Variants in ENOX1 observed in about 807,000 individuals in gnomAD.
ENOX1 encodes candidate growth-related and time keeping constitutive hydroquinone (NADH) oxidase.
A neutral mutation model predicts 82.5 loss-of-function variants in ENOX1; 42 were observed. That is an observed-to-expected ratio of 0.51 (90% CI 0.40 to 0.66). The LOEUF (loss-of-function observed/expected upper bound fraction) is 0.66. Ranked by LOEUF, ENOX1 falls within the 30% of genes least tolerant of loss-of-function variation. The pLI is 0.00. For missense variants in ENOX1, 608 were observed against 811.6 expected (o/e 0.75, Z 3.05); for synonymous variants, 271 against 282.2 (o/e 0.96, Z 0.40).
In ENOX1 at chr13:43,494,571, A is replaced by G. The variant is rs138039477; in HGVS notation, c.-218-10419T>C. On this transcript the variant is annotated intron_variant, in intron 2 of 16. Coordinates refer to ENST00000690772, the MANE Select transcript of ENOX1 (RefSeq NM_001347969.2). ...TACCTTTAATATTGTAAGAAGGCAC[A>G]TATATTCATTCTTTCACAATAATAA... is the stretch of plus-strand genomic sequence containing the variant. Among the ~76,000 whole-genome samples the G allele has an allele frequency of 4.7e-3, 710 of 152,324 alleles. 5 individuals are homozygous for G. The highest frequency in any genetic ancestry group is 0.016 in the African/African-American group (650 of 41,582).
rs181465243 is a variant in ENOX1, at chr13:43,608,513, G to C, written c.-219+58966C>G. Among the ~76,000 whole-genome samples the C allele has an allele frequency of 2.8e-3, 428 of 152,186 alleles. 3 individuals are homozygous for C. Among genetic ancestry groups the C allele is most frequent in the African/African-American group, 0.01 (417 of 41,542 alleles). On this transcript the variant is annotated intron_variant, in intron 2 of 16. Transcript: ENST00000690772. ...TACAACTTCTTCTTGATGACTGAGG[G>C]ACATCATTCCAAGCCAGCTGATGTT...
At chr13:43,698,091 GAGA>G (rs1454945419) in intron 1 of ENOX1, among the ~76,000 whole-genome samples, 1 of 152,194 alleles carries the variant, frequency 6.6e-6, no homozygotes, top group Non-Finnish European at 1.5e-5. Flanking sequence ...TGAAGCAGGA[GAGA>G]AGGAGATCAG....
intron 2 of ENOX1, among the ~76,000 whole-genome samples, chr13:43,525,810 A>AT: frequency 6.6e-6 from 1 of 152,056 alleles, no homozygotes; most frequent in East Asian, 1.9e-4. Flanking sequence ...TCCTTTGCCC[A>AT]TTTTTTAATC....
chr13:43,490,679 T>C (rs1474289392), intron 2 of ENOX1, among the ~76,000 whole-genome samples: 3 of 152,210 alleles, frequency 2.0e-5, no homozygotes, highest in Non-Finnish European at 2.9e-5. Context: ...GGCAAAGGGT[T>C]CCTCCCCTCC....
chr13:43,247,859 ATATATATATATATATATATATATATTTTT>A (rs2043193266), intron 14 of ENOX1, among the ~76,000 whole-genome samples: 1 of 1,764 alleles, frequency 5.7e-4, no homozygotes, highest in Non-Finnish European at 1.2e-3. Flanking sequence ...ATATATATAT[ATATATATATATATATATATATATATTTTT>A]TTTTTTTTTT....
chr13:43,305,543 G>A (rs1195025259), intron 11 of ENOX1, among the ~76,000 whole-genome samples: 2 of 148,052 alleles, frequency 1.4e-5, no homozygotes, highest in African/African-American at 4.9e-5. Context: ...GAGGCACAAT[G>A]GGCAGCAGGT....
At chr13:43,510,126 A>C (rs1341454419) in intron 2 of ENOX1, among the ~76,000 whole-genome samples, 1 of 152,078 alleles carries the variant, frequency 6.6e-6, no homozygotes, top group Non-Finnish European at 1.5e-5. Context: ...CAAAAAGAAT[A>C]ATCTATAAAT....
At chr13:43,701,391 C>T (rs865857044) in intron 1 of ENOX1, among the ~76,000 whole-genome samples, 6 of 152,094 alleles carry the variant, frequency 3.9e-5, no homozygotes, top group Non-Finnish European at 5.9e-5. Context: ...TGGGTGCACA[C>T]GGTTACAAAC....
chr13:43,310,153 C>T (rs1377672946), intron 11 of ENOX1, among the ~76,000 whole-genome samples: 4 of 124,026 alleles, frequency 3.2e-5, no homozygotes, highest in African/African-American at 6.2e-5. Flanking sequence ...GAGCCGAGAT[C>T]ACGCCATTGC....
intron 15 of ENOX1, among the ~76,000 whole-genome samples, chr13:43,230,405 A>T (rs1001098207): frequency 6.6e-6 from 1 of 152,150 alleles, no homozygotes; most frequent in African/African-American, 2.4e-5. Context: ...GTTGCTGGAA[A>T]GGGGTCATGG....
chr13:43,456,509 C>G (rs890789900), intron 3 of ENOX1, among the ~76,000 whole-genome samples: 1 of 152,156 alleles, frequency 6.6e-6, no homozygotes, highest in East Asian at 1.9e-4. Flanking sequence ...AACAGGGACT[C>G]TGCCAATCAG....
chr13:43,389,933 G>C (rs1442907407), intron 5 of ENOX1, among the ~76,000 whole-genome samples: 1 of 152,154 alleles, frequency 6.6e-6, no homozygotes, highest in Non-Finnish European at 1.5e-5. Flanking sequence ...AGGGGGAGAA[G>C]GGGAGAACAA....
chr13:43,497,589 T>C (rs1336610351), intron 2 of ENOX1, among the ~76,000 whole-genome samples: 1 of 152,170 alleles, frequency 6.6e-6, no homozygotes, highest in Non-Finnish European at 1.5e-5. Context: ...GATATATTAC[T>C]GTATGTTAAT....
intron 3 of ENOX1, among the ~76,000 whole-genome samples, chr13:43,463,792 A>C (rs1177869073): frequency 6.6e-6 from 1 of 152,204 alleles, no homozygotes; most frequent in East Asian, 1.9e-4. Flanking sequence ...AAAACGTTGA[A>C]TTTGTATTTT....
chr13:43,536,034 T>C (rs2078446046), intron 2 of ENOX1, among the ~76,000 whole-genome samples: 1 of 152,040 alleles, frequency 6.6e-6, no homozygotes. Context: ...GGTTCTGTCT[T>C]GCACCGTTCT....
At chr13:43,301,051 T>C (rs1432340402) in intron 11 of ENOX1, among the ~76,000 whole-genome samples, 1 of 152,202 alleles carries the variant, frequency 6.6e-6, no homozygotes, top group African/African-American at 2.4e-5. Context: ...AGAGGGATGT[T>C]GTAATAGGGC....
chr13:43,671,285 T>C (rs112110185), intron 1 of ENOX1, among the ~76,000 whole-genome samples: 2,264 of 152,324 alleles, frequency 0.015, 29 homozygotes, highest in Non-Finnish European at 0.023. Flanking sequence ...AGTATCTTTA[T>C]AGCAGTGTGA....
intron 7 of ENOX1, 88 bp from the exon 8 acceptor site, chr13:43,356,240 C>A: frequency 8.8e-7 from 1 of 1,130,230 alleles, no homozygotes; most frequent in East Asian, 2.5e-5. Context: ...TAGGCAAATG[C>A]TCACTTATTT....
intron 11 of ENOX1, among the ~76,000 whole-genome samples, chr13:43,316,867 C>T (rs374382233): frequency 9.2e-5 from 14 of 152,206 alleles, no homozygotes; most frequent in African/African-American, 3.1e-4. Context: ...CTACTCAGCC[C>T]ACCTTGCAAG....
Sources: allele counts gnomAD v4.1 joint callset (sites outside exome capture counted in the v4.1 genomes callset), GRCh38; gene constraint gnomAD v4.1.1; transcripts MANE v1.5; gene names NCBI Gene and HGNC (gene_info 2026-07-23, HGNC 2026-07-21).